SPAG16: variants seen among roughly 807,000 people sequenced by gnomAD.
SPAG16 encodes the protein sperm associated antigen 16.
In SPAG16, 86 loss-of-function variants were observed where a neutral mutation model predicts 80.4. The ratio of observed to expected loss-of-function variants is 1.07; its 90% CI spans 0.90 to 1.28. SPAG16 has a LOEUF of 1.28. SPAG16 is among the 50% of genes most tolerant of loss of function. The pLI is 0.00. For missense variants in SPAG16, 870 were observed against 765.3 expected, an observed-to-expected ratio of 1.14 and a Z score of -1.61; for synonymous variants, 294 against 265.9, an observed-to-expected ratio of 1.11 and a Z score of -1.03.
At chr2:213,459,725 A>G (rs2072250391) in intron 9 of SPAG16, among the ~76,000 whole-genome samples, 1 of 152,238 alleles carries the variant, frequency 6.6e-6, no homozygotes, top group Admixed American at 6.5e-5. Flanking sequence ...ATCTGCATGC[A>G]TGTCGCTATT....
intron 9 of SPAG16, among the ~76,000 whole-genome samples, chr2:213,471,019 A>C (rs2073048841): frequency 6.6e-6 from 1 of 152,224 alleles, no homozygotes; most frequent in Non-Finnish European, 1.5e-5. Flanking sequence ...ATCCATGCAA[A>C]GTGCACAACC....
At chr2:213,440,444 A>T (rs1462197599) in intron 9 of SPAG16, among the ~76,000 whole-genome samples, 1 of 152,032 alleles carries the variant, frequency 6.6e-6, no homozygotes, top group Non-Finnish European at 1.5e-5. Flanking sequence ...AGTCCCAGCT[A>T]CTCTGGAGGC....
intron 11 of SPAG16, among the ~76,000 whole-genome samples, chr2:213,890,028 ATAAAG>A (rs1352544779): frequency 1.3e-5 from 2 of 152,106 alleles, no homozygotes; most frequent in East Asian, 3.8e-4. Flanking sequence ...TATTGAGATC[ATAAAG>A]TAATTTCCCT....
intron 12 of SPAG16, among the ~76,000 whole-genome samples, chr2:213,980,058 G>T (rs576153206): frequency 6.6e-6 from 1 of 151,414 alleles, no homozygotes; most frequent in Non-Finnish European, 1.5e-5. Flanking sequence ...TACTGAAATC[G>T]CATGAAAACT....
At chr2:213,860,482 T>TATACATATATCTATATATAGATATATAG (rs1553646318) in intron 10 of SPAG16, among the ~76,000 whole-genome samples, 2 of 132,866 alleles carry the variant, frequency 1.5e-5, no homozygotes, top group African/African-American at 5.7e-5. Flanking sequence ...TCTATATATA[T>TATACATATATCTATATATAGATATATAG]ATATACACAC....
chr2:213,393,488 T>C (rs767948760), intron 9 of SPAG16, among the ~76,000 whole-genome samples: 1 of 152,064 alleles, frequency 6.6e-6, no homozygotes, highest in Non-Finnish European at 1.5e-5. Context: ...TTAGTGTTGC[T>C]GTAGGTGGCT....
At chr2:213,684,066 G>A (rs2064531809) in intron 10 of SPAG16, among the ~76,000 whole-genome samples, 1 of 152,208 alleles carries the variant, frequency 6.6e-6, no homozygotes, top group Admixed American at 6.5e-5. Flanking sequence ...TGGATTGGCA[G>A]CTGAAAAAAG....
chr2:214,024,764 G>T (rs2048049488), intron 13 of SPAG16, among the ~76,000 whole-genome samples: 1 of 151,518 alleles, frequency 6.6e-6, no homozygotes, highest in Admixed American at 6.6e-5. Flanking sequence ...AGGTGTGGTA[G>T]AATCTAGATC....
chr2:214,024,143 G>T (rs2048021974), intron 13 of SPAG16, among the ~76,000 whole-genome samples: 1 of 151,518 alleles, frequency 6.6e-6, no homozygotes, highest in East Asian at 1.9e-4. Context: ...GAGACACCAT[G>T]TTGTACTGTT....
intron 10 of SPAG16, among the ~76,000 whole-genome samples, chr2:213,700,629 T>C (rs1327211112): frequency 6.6e-6 from 1 of 152,228 alleles, no homozygotes; most frequent in Admixed American, 6.5e-5. Context: ...TCTCTCACTT[T>C]GCAGAAATGA....
chr2:214,056,785 G>T (rs1380525173), intron 13 of SPAG16, among the ~76,000 whole-genome samples: 1 of 152,158 alleles, frequency 6.6e-6, no homozygotes, highest in Admixed American at 6.5e-5. Flanking sequence ...TTTAAAAATT[G>T]GAGTCAATCC....
chr2:213,800,192 T>C (rs1159092648), intron 10 of SPAG16, among the ~76,000 whole-genome samples: 2 of 152,162 alleles, frequency 1.3e-5, no homozygotes, highest in Non-Finnish European at 2.9e-5. Context: ...TTTATACTTA[T>C]TTTGTGATCA....
At chr2:213,955,308 G>A (rs76854438) in intron 12 of SPAG16, among the ~76,000 whole-genome samples, 6,463 of 151,910 alleles carry the variant, frequency 0.043, 160 homozygotes, top group South Asian at 0.075. Context: ...TTATGATTTT[G>A]ACCTTTAAAT....
chr2:213,588,838 A>AAAAAAAAAAC (rs2060574146), intron 10 of SPAG16, among the ~76,000 whole-genome samples: 1 of 146,400 alleles, frequency 6.8e-6, no homozygotes, highest in Non-Finnish European at 1.5e-5. Context: ...AAAAAAAAAA[A>AAAAAAAAAAC]AAAAAGACTC....
chr2:213,491,824 C>CT (rs2074246176), intron 10 of SPAG16, among the ~76,000 whole-genome samples: 1 of 152,188 alleles, frequency 6.6e-6, no homozygotes, highest in Non-Finnish European at 1.5e-5. Flanking sequence ...CTGATTACTA[C>CT]TACTGCAACT....
chr2:213,432,692 A>T (rs2070381152), intron 9 of SPAG16, among the ~76,000 whole-genome samples: 1 of 152,130 alleles, frequency 6.6e-6, no homozygotes, highest in African/African-American at 2.4e-5. Context: ...ACTGAAACCC[A>T]TCCTCCAGAA....
chr2:213,626,897 C>T (rs1198734154), intron 10 of SPAG16, among the ~76,000 whole-genome samples: 1 of 152,070 alleles, frequency 6.6e-6, no homozygotes, highest in African/African-American at 2.4e-5. Context: ...ATCCTCCCAC[C>T]TTGGCTTCCC....
chr2:213,761,478 A>G (rs2068653306), intron 10 of SPAG16, among the ~76,000 whole-genome samples: 1 of 152,220 alleles, frequency 6.6e-6, no homozygotes. Flanking sequence ...TTGGTTCTTT[A>G]AAAAGATGAA....
intron 10 of SPAG16, among the ~76,000 whole-genome samples, chr2:213,583,999 G>GA: frequency 6.6e-6 from 1 of 152,292 alleles, no homozygotes; most frequent in African/African-American, 2.4e-5. Context: ...GTCATTTTAT[G>GA]AAAAATCATG....
Sources: gnomAD v4.1 joint callset for allele counts (sites outside exome capture counted in the v4.1 genomes callset) on GRCh38, gnomAD v4.1.1 for gene constraint, MANE v1.5 for transcripts, NCBI Gene and HGNC (gene_info 2026-07-23, HGNC 2026-07-21) for gene names.